TOM1L2: variants seen among roughly 807,000 people sequenced by gnomAD.
TOM1L2 encodes the protein TOM1-like protein 2.
Under a neutral mutation model 67.9 loss-of-function variants are expected in TOM1L2, and 31 were observed. That is an observed-to-expected ratio of 0.46 (90% CI 0.34 to 0.62). The LOEUF is 0.62. Among genes scored for constraint, TOM1L2 ranks in the 20% least tolerant of loss-of-function variants. TOM1L2 has a pLI of 0.01. For missense variants in TOM1L2, 606 were observed against 663.5 expected (o/e 0.91, Z 0.95); for synonymous variants, 256 against 254.0 (o/e 1.01, Z -0.07).
chr17:17,940,361 G>A (rs151244996), intron 1 of TOM1L2, among the ~76,000 whole-genome samples: 17 of 152,180 alleles, frequency 1.1e-4, no homozygotes, highest in African/African-American at 3.9e-4. Flanking sequence ...AATACTATTA[G>A]AATCATTTTA....
intron 4 of TOM1L2, 132 bp from the exon 5 acceptor site, chr17:17,884,900 C>A: frequency 8.2e-7 from 1 of 1,219,200 alleles, no homozygotes; most frequent in Non-Finnish European, 1.1e-6. Flanking sequence ...ACTGGCTAAA[C>A]CTATTCTGTT....
intron 1 of TOM1L2, among the ~76,000 whole-genome samples, chr17:17,952,822 AG>A (rs1382780130): frequency 6.6e-6 from 1 of 152,234 alleles, no homozygotes; most frequent in Non-Finnish European, 1.5e-5. Flanking sequence ...TCTGGGGTAG[AG>A]GAACACTGGA....
chr17:17,886,393 C>A (rs1177052770), intron 4 of TOM1L2, among the ~76,000 whole-genome samples: 1 of 152,246 alleles, frequency 6.6e-6, no homozygotes, highest in Non-Finnish European at 1.5e-5. Context: ...AAAGAAAGTG[C>A]CTCACAGAGC....
intron 1 of TOM1L2, 84 bp from the exon 2 acceptor site, chr17:17,907,615 C>A: frequency 8.3e-7 from 1 of 1,197,738 alleles, no homozygotes. Context: ...CCAGAACCAC[C>A]ACATTCTTCT....
At chr17:17,888,597 T>C (rs140261859) in intron 4 of TOM1L2, among the ~76,000 whole-genome samples, 18 of 152,358 alleles carry the variant, frequency 1.2e-4, no homozygotes, top group African/African-American at 4.3e-4. Flanking sequence ...TACCAGGCTC[T>C]GACGTCTTCA....
chr17:17,872,308 C>T (rs2037193491), intron 7 of TOM1L2, among the ~76,000 whole-genome samples: 1 of 152,210 alleles, frequency 6.6e-6, no homozygotes, highest in Non-Finnish European at 1.5e-5. Context: ...ACAGCCAGGA[C>T]TGAAGTGAAC....
At chr17:17,874,039 T>G (rs1366252652) in intron 7 of TOM1L2, among the ~76,000 whole-genome samples, 2 of 151,886 alleles carry the variant, frequency 1.3e-5, no homozygotes, top group Non-Finnish European at 2.9e-5. Flanking sequence ...CACTGCAAGC[T>G]CCGCCTCCCG....
intron 1 of TOM1L2, among the ~76,000 whole-genome samples, chr17:17,953,348 TGCAGAGAG>T (rs2041289265): frequency 6.6e-6 from 1 of 152,170 alleles, no homozygotes; most frequent in Non-Finnish European, 1.5e-5. Context: ...AACAAAAGAC[TGCAGAGAG>T]TCATTCTGGT....
At chr17:17,944,208 T>C (rs1342523271) in intron 1 of TOM1L2, among the ~76,000 whole-genome samples, 3 of 152,240 alleles carry the variant, frequency 2.0e-5, no homozygotes, top group Non-Finnish European at 2.9e-5. Context: ...TCATGGTGCC[T>C]GGCACAAAGT....
At chr17:17,953,556 G>A (rs1011553240) in intron 1 of TOM1L2, among the ~76,000 whole-genome samples, 1 of 152,178 alleles carries the variant, frequency 6.6e-6, no homozygotes, top group African/African-American at 2.4e-5. Flanking sequence ...TGGGGGCAGA[G>A]CCTTAAGCAT....
At chr17:17,963,858 T>C (rs75114179) in intron 1 of TOM1L2, among the ~76,000 whole-genome samples, 2 of 152,346 alleles carry the variant, frequency 1.3e-5, no homozygotes, top group African/African-American at 4.8e-5. Context: ...AAGAAGTCTA[T>C]ATTAGTTGAT....
chr17:17,852,683 G>C (rs963323704), intron 12 of TOM1L2, among the ~76,000 whole-genome samples: 8 of 151,958 alleles, frequency 5.3e-5, no homozygotes, highest in Non-Finnish European at 1.0e-4. Context: ...CTGACCAACA[G>C]GGAGAAACCC....
chr17:17,898,404 A>C (rs2038682674), intron 3 of TOM1L2, among the ~76,000 whole-genome samples, 192 bp downstream of exon 3: 1 of 152,126 alleles, frequency 6.6e-6, no homozygotes, highest in African/African-American at 2.4e-5. Context: ...ATTGAAGCTC[A>C]CCACTCCCTG....
At chr17:17,857,895 G>C in intron 12 of TOM1L2, 5 of 1,496,190 alleles carry the variant, frequency 3.3e-6, no homozygotes, top group South Asian at 1.2e-5. Flanking sequence ...TGAGAAAGAA[G>C]TCAATAGCAC....
Position 17,904,443 on chromosome 17 carries a change from C to G in TOM1L2, c.137+3004G>C, listed in dbSNP as rs146967942. Among the ~76,000 whole-genome samples the G allele has an allele frequency of 7.7e-3, 1,177 of 152,032 alleles. 9 individuals are homozygous for G. Among genetic ancestry groups the G allele is most frequent in the African/African-American group, 0.027 (1,106 of 41,432 alleles). On this transcript the variant is annotated intron_variant, in intron 2 of 14. Coordinates refer to ENST00000379504, the MANE Select transcript of TOM1L2 (RefSeq NM_001082968.2). The stretch of plus-strand genomic sequence containing the variant: ...ATCTGTAGAGAATTTCAAGCTGGGC[C>G]CAGGAATATGGAAAATTCAAGGAGC...
At chr17:17,971,419 G>C (rs1464834597) in intron 1 of TOM1L2, among the ~76,000 whole-genome samples, 1 of 152,020 alleles carries the variant, frequency 6.6e-6, no homozygotes, top group Non-Finnish European at 1.5e-5. Context: ...CTTCTTTCCT[G>C]GGAGGCACTG....
At chr17:17,887,184 C>T (rs913283654) in intron 4 of TOM1L2, among the ~76,000 whole-genome samples, 107 of 152,384 alleles carry the variant, frequency 7.0e-4, no homozygotes, top group African/African-American at 2.4e-3. Flanking sequence ...CTGTTATTTG[C>T]GATCAAGTAG....
At chr17:17,866,761 C>T in intron 9 of TOM1L2, 115 bp downstream of exon 9, 1 of 1,121,440 alleles carries the variant, frequency 8.9e-7, no homozygotes, top group Non-Finnish European at 1.3e-6. Flanking sequence ...CTTGCCTCTT[C>T]AATTTCCCAA....
intron 10 of TOM1L2, among the ~76,000 whole-genome samples, chr17:17,863,564 T>A (rs1373317696): frequency 3.3e-5 from 1 of 30,496 alleles, no homozygotes; most frequent in Non-Finnish European, 1.2e-4. Flanking sequence ...GACACTAGAC[T>A]TTTTTTTTTT....
Sources: gnomAD v4.1 joint callset for allele counts (sites outside exome capture counted in the v4.1 genomes callset) on GRCh38, gnomAD v4.1.1 for gene constraint, MANE v1.5 for transcripts, NCBI Gene and HGNC (gene_info 2026-07-23, HGNC 2026-07-21) for gene names.